Variants in FAR1 observed in about 807,000 individuals in gnomAD.
FAR1 encodes fatty acyl-CoA reductase 1.
Under a neutral mutation model 61.1 loss-of-function variants are expected in FAR1, and 22 were observed. The observed-to-expected ratio is 0.36, with a 90% CI of 0.26 to 0.51. The LOEUF (loss-of-function observed/expected upper bound fraction) is 0.51, where lower values mean the gene tolerates loss of function less well. Ranked by LOEUF, FAR1 falls within the 20% of genes least tolerant of loss-of-function variation. The probability of loss-of-function intolerance (pLI) is 0.95; values close to 1 mark genes in which losing one functional copy is unlikely to be tolerated. For synonymous variants in FAR1, 206 were observed against 209.7 expected (o/e 0.98, Z 0.15); for missense variants, 359 against 626.9 (o/e 0.57, Z 4.56).
At chr11:13,688,834 A>T (rs1591258937) in intron 1 of FAR1, among the ~76,000 whole-genome samples, 2 of 151,760 alleles carry the variant, frequency 1.3e-5, no homozygotes, top group African/African-American at 4.8e-5. Flanking sequence ...TTATTTATTT[A>T]TTTTTTTTAA....
intron 10 of FAR1, among the ~76,000 whole-genome samples, chr11:13,725,025 A>G (rs962789684): frequency 4.6e-5 from 7 of 152,130 alleles, no homozygotes; most frequent in Admixed American, 1.3e-4. Flanking sequence ...GAATTCTAGC[A>G]CTCAATATTA....
chr11:13,677,196 CT>C (rs1320766865), intron 1 of FAR1, among the ~76,000 whole-genome samples: 34 of 152,182 alleles, frequency 2.2e-4, no homozygotes, highest in African/African-American at 8.2e-4. Flanking sequence ...AATGTTTTTA[CT>C]TTGCCATCAT....
At chr11:13,689,796 G>T (rs76885200) in intron 1 of FAR1, among the ~76,000 whole-genome samples, 19,933 of 151,532 alleles carry the variant, frequency 0.13, 1,684 homozygotes, top group South Asian at 0.24. Flanking sequence ...CTGAGGGTCA[G>T]TGTAGTGGGA....
chr11:13,711,083 A>T (rs1457128828), intron 5 of FAR1: 3 of 493,574 alleles, frequency 6.1e-6, no homozygotes, highest in East Asian at 7.5e-5. Flanking sequence ...ATCAACATTT[A>T]AAAAATCCTA....
At chr11:13,703,469 G>C (rs74553454) in intron 3 of FAR1, among the ~76,000 whole-genome samples, 1 of 152,182 alleles carries the variant, frequency 6.6e-6, no homozygotes, top group East Asian at 1.9e-4. Context: ...GAAGTTTTCA[G>C]ATGTTACTAC....
At chr11:13,690,743 C>T (rs755428126) in intron 1 of FAR1, among the ~76,000 whole-genome samples, 1 of 151,804 alleles carries the variant, frequency 6.6e-6, no homozygotes, top group Non-Finnish European at 1.5e-5. Flanking sequence ...ATTTTAAAGT[C>T]TCAGTTTCCA....
chr11:13,714,162 G>C (rs769330366), intron 8 of FAR1, among the ~76,000 whole-genome samples: 2 of 152,058 alleles, frequency 1.3e-5, no homozygotes, highest in Non-Finnish European at 2.9e-5. Flanking sequence ...AGTAATAAGA[G>C]TCTGGAAAGA....
chr11:13,698,985 A>T (rs1565345048), intron 2 of FAR1, among the ~76,000 whole-genome samples: 1 of 152,074 alleles, frequency 6.6e-6, no homozygotes, highest in South Asian at 2.1e-4. Flanking sequence ...AGGCTGACTG[A>T]ATTATTTTTA....
chr11:13,671,677 C>T (rs1848006252), intron 1 of FAR1, among the ~76,000 whole-genome samples: 1 of 152,138 alleles, frequency 6.6e-6, no homozygotes, highest in South Asian at 2.1e-4. Context: ...ATTATCTCAT[C>T]TTCTGATTAT....
At chr11:13,713,746 C>T (rs1848526203) in intron 8 of FAR1, among the ~76,000 whole-genome samples, 1 of 151,846 alleles carries the variant, frequency 6.6e-6, no homozygotes, top group Admixed American at 6.6e-5. Context: ...GACATTTGTC[C>T]TAGGATTTTT....
chr11:13,671,289 A>T (rs1432598107), intron 1 of FAR1, among the ~76,000 whole-genome samples: 1 of 152,230 alleles, frequency 6.6e-6, no homozygotes, highest in Admixed American at 6.5e-5. Flanking sequence ...TGTACTTGGT[A>T]TAAGCAACTG....
At chr11:13,685,232 C>T (rs141131202) in intron 1 of FAR1, among the ~76,000 whole-genome samples, 1 of 151,960 alleles carries the variant, frequency 6.6e-6, no homozygotes, top group East Asian at 1.9e-4. Flanking sequence ...TGGAAATGGC[C>T]CTCAGGGAAA....
At position 13,731,822 on chromosome 11, in the gene FAR1, G is replaced by A. The variant is rs1340053509; in HGVS notation, c.*3048G>A. On this transcript the variant is annotated 3_prime_UTR_variant, in exon 12 of 12. Transcript: ENST00000354817. ...TCTCCTCCACATTGAATGATATCTT[G>A]TTAATTTATAGGCACATTTGTGGTA... is the stretch of plus-strand genomic sequence containing the variant. The A allele has an allele frequency of 6.6e-6, 1 of 152,084 alleles. No individual in the cohort carries two copies. Among genetic ancestry groups the A allele is most frequent in the Admixed American group, 6.6e-5 (1 of 15,254 alleles). 9.4% of individuals were successfully genotyped at this position (152,084 alleles called of 1,614,324 possible).
intron 1 of FAR1, chr11:13,670,281 G>T (rs1847983207): frequency 6.6e-6 from 1 of 150,958 alleles, no homozygotes; most frequent in Non-Finnish European, 1.5e-5. Flanking sequence ...TTTTTGTTTT[G>T]TTTTGTTTTT....
chr11:13,684,220 G>GT (rs1421298759), intron 1 of FAR1, among the ~76,000 whole-genome samples: 1 of 152,128 alleles, frequency 6.6e-6, no homozygotes, highest in African/African-American at 2.4e-5. Context: ...TCATACATAA[G>GT]TAACCATCTA....
intron 2 of FAR1, among the ~76,000 whole-genome samples, chr11:13,698,841 A>G (rs1008973583): frequency 6.6e-6 from 1 of 152,136 alleles, no homozygotes; most frequent in Non-Finnish European, 1.5e-5. Context: ...AAAAAAAAAA[A>G]AAAATCTTTA....
intron 4 of FAR1, among the ~76,000 whole-genome samples, chr11:13,708,737 C>T (rs1048881666): frequency 6.6e-6 from 1 of 152,048 alleles, no homozygotes; most frequent in African/African-American, 2.4e-5. Context: ...TCTAATTTAT[C>T]AAAGGATTCC....
At chr11:13,673,189 T>C (rs1034004946) in intron 1 of FAR1, among the ~76,000 whole-genome samples, 1 of 152,242 alleles carries the variant, frequency 6.6e-6, no homozygotes, top group African/African-American at 2.4e-5. Flanking sequence ...GGATTTGCCC[T>C]AGGATCAGTA....
At chr11:13,698,349 C>T (rs1345049535) in intron 2 of FAR1, among the ~76,000 whole-genome samples, 1 of 152,164 alleles carries the variant, frequency 6.6e-6, no homozygotes, top group Admixed American at 6.5e-5. Context: ...CATTCCTTAT[C>T]TCTCAAATTC....
Sources: gnomAD v4.1 joint callset for allele counts (sites outside exome capture counted in the v4.1 genomes callset) on GRCh38, gnomAD v4.1.1 for gene constraint, MANE v1.5 for transcripts, NCBI Gene and HGNC (gene_info 2026-07-23, HGNC 2026-07-21) for gene names.